Variants in GALNTL6 observed in about 807,000 individuals in gnomAD.
The protein encoded by GALNTL6 is polypeptide N-acetylgalactosaminyltransferase-like 6.
Under a neutral mutation model 73.7 loss-of-function variants are expected in GALNTL6, and 46 were observed. The observed-to-expected ratio is 0.62, with a 90% confidence interval of 0.49 to 0.80. The LOEUF is 0.80. Among genes scored for constraint, GALNTL6 ranks in the 30% least tolerant of loss-of-function variants. The probability of loss-of-function intolerance (pLI) is 0.00; values close to 1 mark genes in which losing one functional copy is unlikely to be tolerated. For missense variants in GALNTL6, 604 were observed against 755.0 expected, an observed-to-expected ratio of 0.80 and a Z score of 2.34; for synonymous variants, 259 against 263.7, an observed-to-expected ratio of 0.98 and a Z score of 0.17.
At chr4:172,282,741 G>A (rs1037542786) in intron 3 of GALNTL6, among the ~76,000 whole-genome samples, 1 of 151,710 alleles carries the variant, frequency 6.6e-6, no homozygotes, top group Admixed American at 6.6e-5. Context: ...TTAGGGTGAT[G>A]GCGATGGAAC....
chr4:172,002,954 A>G (rs1740721354), intron 2 of GALNTL6, among the ~76,000 whole-genome samples: 1 of 152,186 alleles, frequency 6.6e-6, no homozygotes, highest in Non-Finnish European at 1.5e-5. Flanking sequence ...TTTATAGGCT[A>G]CATGTAACAC....
At chr4:172,300,431 T>C (rs1204946899) in intron 3 of GALNTL6, among the ~76,000 whole-genome samples, 4 of 152,224 alleles carry the variant, frequency 2.6e-5, no homozygotes, top group Non-Finnish European at 4.4e-5. Context: ...AGCTGGTTAT[T>C]TTGCTCGTTA....
intron 3 of GALNTL6, among the ~76,000 whole-genome samples, chr4:172,259,203 A>T (rs946513546): frequency 4.6e-5 from 7 of 151,494 alleles, no homozygotes; most frequent in Non-Finnish European, 7.4e-5. Flanking sequence ...TAGTGCTTGT[A>T]CTAGTTTATA....
chr4:172,942,658 C>T (rs752302426), intron 9 of GALNTL6, among the ~76,000 whole-genome samples: 5 of 152,108 alleles, frequency 3.3e-5, no homozygotes, highest in Non-Finnish European at 5.9e-5. Flanking sequence ...CATGCTGCAC[C>T]GCCCCGGATT....
At chr4:172,110,125 T>G (rs1732810853) in intron 2 of GALNTL6, among the ~76,000 whole-genome samples, 1 of 152,214 alleles carries the variant, frequency 6.6e-6, no homozygotes, top group Admixed American at 6.5e-5. Flanking sequence ...CCCTTTATCT[T>G]TTCTTTTTTG....
intron 2 of GALNTL6, among the ~76,000 whole-genome samples, chr4:172,030,644 AG>A (rs1257150082): frequency 6.6e-6 from 1 of 152,070 alleles, no homozygotes; most frequent in Non-Finnish European, 1.5e-5. Context: ...CAAGAGGCAG[AG>A]GTTGCAGTAA....
chr4:172,690,429 G>C (rs1193495303), intron 5 of GALNTL6, among the ~76,000 whole-genome samples: 1 of 152,146 alleles, frequency 6.6e-6, no homozygotes, highest in African/African-American at 2.4e-5. Flanking sequence ...TAAAAGTTAA[G>C]AAAGAAGCCA....
chr4:172,980,234 A>G (rs889208693), intron 10 of GALNTL6, among the ~76,000 whole-genome samples: 1 of 152,252 alleles, frequency 6.6e-6, no homozygotes. Context: ...CAACTGTCCC[A>G]ATCACTACCA....
At chr4:172,278,922 G>A (rs1044852218) in intron 3 of GALNTL6, among the ~76,000 whole-genome samples, 1 of 152,116 alleles carries the variant, frequency 6.6e-6, no homozygotes, top group Admixed American at 6.6e-5. Context: ...TCACATATAT[G>A]GCCAAATGAT....
chr4:172,843,923 G>A (rs1232711682), intron 7 of GALNTL6, among the ~76,000 whole-genome samples: 1 of 152,160 alleles, frequency 6.6e-6, no homozygotes. Flanking sequence ...GCCAGGCGTG[G>A]TGGTGCACAC....
chr4:172,466,963 C>A (rs1041793064), intron 5 of GALNTL6, among the ~76,000 whole-genome samples: 1 of 152,188 alleles, frequency 6.6e-6, no homozygotes, highest in African/African-American at 2.4e-5. Context: ...AACGCTGCAA[C>A]TGATTTTAGC....
At chr4:172,939,344 A>C (rs1748797167) in intron 9 of GALNTL6, among the ~76,000 whole-genome samples, 1 of 152,172 alleles carries the variant, frequency 6.6e-6, no homozygotes, top group Admixed American at 6.5e-5. Flanking sequence ...ACTTAGAAGG[A>C]GCTTTTTATT....
chr4:172,896,131 CTTTG>C (rs896484438), intron 8 of GALNTL6, among the ~76,000 whole-genome samples: 11 of 152,250 alleles, frequency 7.2e-5, no homozygotes, highest in East Asian at 5.8e-4. Context: ...TGGTACCTTA[CTTTG>C]TTTGTTTGGT....
chr4:172,296,413 G>A (rs1218613298), intron 3 of GALNTL6, among the ~76,000 whole-genome samples: 1 of 152,094 alleles, frequency 6.6e-6, no homozygotes, highest in East Asian at 1.9e-4. Context: ...TGCACAACGT[G>A]CAGGTCAGTT....
intron 5 of GALNTL6, among the ~76,000 whole-genome samples, chr4:172,378,970 A>C (rs1039757166): frequency 9.9e-5 from 15 of 152,226 alleles, no homozygotes; most frequent in African/African-American, 3.4e-4. Context: ...GGTAGAATTT[A>C]GTCTTTTAGT....
intron 5 of GALNTL6, among the ~76,000 whole-genome samples, chr4:172,728,503 A>G (rs1540473): frequency 0.36 from 54,482 of 150,908 alleles, 10,804 homozygotes; most frequent in African/African-American, 0.53. Flanking sequence ...TACATATACA[A>G]TGAAATATAT....
chr4:172,011,082 G>A (rs1740991999), intron 2 of GALNTL6, among the ~76,000 whole-genome samples: 3 of 152,040 alleles, frequency 2.0e-5, no homozygotes, highest in Non-Finnish European at 4.4e-5. Context: ...ACAAATATAT[G>A]AGAACTGTAC....
intron 2 of GALNTL6, among the ~76,000 whole-genome samples, chr4:172,183,124 A>G (rs1036858001): frequency 6.6e-6 from 1 of 152,220 alleles, no homozygotes; most frequent in Non-Finnish European, 1.5e-5. Context: ...CAATATGTCT[A>G]TATAAGAATA....
intron 12 of GALNTL6, among the ~76,000 whole-genome samples, chr4:173,031,488 G>A (rs1346125354): frequency 1.3e-5 from 2 of 152,068 alleles, no homozygotes; most frequent in Non-Finnish European, 2.9e-5. Flanking sequence ...ACTCTTTCCG[G>A]CATCTAAAAC....
Sources: allele counts gnomAD v4.1 joint callset (sites outside exome capture counted in the v4.1 genomes callset), GRCh38; gene constraint gnomAD v4.1.1; transcripts MANE v1.5; gene names NCBI Gene and HGNC (gene_info 2026-07-23, HGNC 2026-07-21).